Variants in GRK4 observed in about 807,000 individuals in gnomAD.
GRK4 encodes the protein G protein-coupled receptor kinase 2-like.
In GRK4, 73 loss-of-function variants were observed where a neutral mutation model predicts 77.9. That is an observed-to-expected ratio of 0.94 (90% confidence interval 0.78 to 1.14). The LOEUF is 1.14. Ranked by LOEUF, GRK4 falls within the 50% of genes most tolerant of loss-of-function variation. The pLI is 0.00. For synonymous variants in GRK4, 257 were observed against 254.4 expected (o/e 1.01, Z -0.10); for missense variants, 729 against 700.2 (o/e 1.04, Z -0.46).
intron 1 of GRK4, among the ~76,000 whole-genome samples, chr4:2,977,252 A>C (rs1721491511): frequency 6.6e-6 from 1 of 152,156 alleles, no homozygotes; most frequent in African/African-American, 2.4e-5. Context: ...TATGATGAGT[A>C]ACAGCGCATA....
chr4:3,037,584 C>T (rs2071689), intron 14 of GRK4, 73 bp downstream of exon 14: 828,973 of 1,437,510 alleles, frequency 0.58, 224,168 homozygotes, highest in African/African-American at 0.8. Flanking sequence ...TGTGTGTGTC[C>T]GTGTGTGTGT....
chr4:3,021,544 G>A (rs1578308664), intron 9 of GRK4, among the ~76,000 whole-genome samples: 1 of 152,186 alleles, frequency 6.6e-6, no homozygotes, highest in Non-Finnish European at 1.5e-5. Context: ...ACCAGGCTTG[G>A]CAGTGGGGCT....
chr4:3,040,633 G>A lies in GRK4; in HGVS notation c.*8G>A. On this transcript the variant is annotated 3_prime_UTR_variant, in exon 16 of 16. Coordinates refer to ENST00000398052, the MANE Select transcript of GRK4 (RefSeq NM_182982.3). ...GAACCCAAGCAATGCTGAGCACCCC[G>A]GTGCGGACCACAGAGCAGACCCTGG... 6.2e-7 allele frequency: 1 copy of A among 1,609,278 alleles called. No individual in the cohort carries two copies. The highest frequency in any genetic ancestry group is 8.5e-7 in the Non-Finnish European group (1 of 1,177,910).
chr4:2,987,159 TTCTG>T lies in GRK4; in HGVS notation c.149-1564_149-1561del, dbSNP rs780945109. The T allele has an allele frequency of 1.2e-5, 6 of 517,926 alleles. No homozygotes were observed. In the East Asian group the frequency reaches 1.6e-4, roughly 14 times the overall value. The allele number at this position is 517,926 out of a possible 1,614,324, so 32.1% of individuals were successfully genotyped here. ...AGAGCTAGACAACTACAAATCCACT[TTCTG>T]TCTATGTCTTTGCCTGTTCCAGACA... On this transcript the variant is annotated intron_variant, in intron 2 of 15. Coordinates refer to ENST00000398052, the MANE Select transcript of GRK4 (RefSeq NM_182982.3).
chr4:3,002,692 G>T (rs955806335), intron 4 of GRK4, among the ~76,000 whole-genome samples: 7 of 152,010 alleles, frequency 4.6e-5, no homozygotes, highest in African/African-American at 1.7e-4. Flanking sequence ...CACAGAACAA[G>T]ACTCCATCTC....
At chr4:2,989,894 G>C (rs1023855195) in intron 3 of GRK4, among the ~76,000 whole-genome samples, 1 of 152,132 alleles carries the variant, frequency 6.6e-6, no homozygotes, top group Non-Finnish European at 1.5e-5. Flanking sequence ...AAATTCAGAA[G>C]CAAGTGACCA....
chr4:2,965,519 A>G (rs745462707), intron 1 of GRK4: 15 of 697,584 alleles, frequency 2.2e-5, no homozygotes, highest in Non-Finnish European at 3.9e-5. Flanking sequence ...TGCCGACTGA[A>G]GATGCCACAG....
chr4:3,031,490 C>T (rs758176232), intron 12 of GRK4, among the ~76,000 whole-genome samples: 1 of 152,180 alleles, frequency 6.6e-6, no homozygotes, highest in Non-Finnish European at 1.5e-5. Flanking sequence ...TGCACTCGCC[C>T]AGCTCTGGTT....
chr4:2,965,731 C>T (rs1198615720), intron 1 of GRK4: 5 of 434,920 alleles, frequency 1.1e-5, no homozygotes, highest in Non-Finnish European at 2.1e-5. Context: ...CACCAACTCA[C>T]ACTATTTTGA....
intron 1 of GRK4, among the ~76,000 whole-genome samples, chr4:2,977,577 A>T (rs1188788121): frequency 6.6e-6 from 1 of 152,222 alleles, no homozygotes; most frequent in Non-Finnish European, 1.5e-5. Flanking sequence ...TTTCCATAAA[A>T]GCCACGTTGA....
chr4:2,963,977 C>A lies in GRK4; in HGVS notation c.-94C>A, dbSNP rs766053438. On this transcript the variant is annotated 5_prime_UTR_variant, in exon 1 of 16. Coordinates refer to ENST00000398052, the MANE Select transcript of GRK4 (RefSeq NM_182982.3). ...AGCTCGAGGAGAGGGTGGTGCCCGG[C>A]GAGCTATGCACGGGGGCGGCGGCGT... The A allele has an allele frequency of 2.9e-5, 33 of 1,134,746 alleles. No homozygotes were observed. Among genetic ancestry groups the A allele is most frequent in the Non-Finnish European group, 4.2e-5 (32 of 767,552 alleles). The allele number at this position is 1,134,746 out of a possible 1,614,324, so 70.3% of individuals were successfully genotyped here.
intron 1 of GRK4, among the ~76,000 whole-genome samples, chr4:2,967,886 G>A (rs1271662823): frequency 6.6e-6 from 1 of 152,002 alleles, no homozygotes; most frequent in Non-Finnish European, 1.5e-5. Context: ...TGCCTCCCGG[G>A]TTCAAGAAAT....
chr4:2,990,620 G>T (rs1401889031), intron 3 of GRK4, among the ~76,000 whole-genome samples: 1 of 152,150 alleles, frequency 6.6e-6, no homozygotes, highest in African/African-American at 2.4e-5. Flanking sequence ...TTGGGGGATG[G>T]AACCCTGGGT....
chr4:3,028,255 G>A (rs1209659457), intron 11 of GRK4, among the ~76,000 whole-genome samples: 1 of 152,140 alleles, frequency 6.6e-6, no homozygotes, highest in African/African-American at 2.4e-5. Context: ...GCGAAGTGAG[G>A]GCAGAATCGG....
At chr4:2,972,963 G>T (rs1386790794) in intron 1 of GRK4, among the ~76,000 whole-genome samples, 1 of 152,176 alleles carries the variant, frequency 6.6e-6, no homozygotes, top group Non-Finnish European at 1.5e-5. Flanking sequence ...TTAAACTCCT[G>T]AACCCAAGTG....
At chr4:2,986,409 T>A (rs1395802958) in intron 2 of GRK4, among the ~76,000 whole-genome samples, 3 of 140,336 alleles carry the variant, frequency 2.1e-5, no homozygotes, top group African/African-American at 8.2e-5. Context: ...CAGGCTGGAG[T>A]GCAATGGCAT....
intron 1 of GRK4, chr4:2,969,270 C>T (rs1031038851): frequency 6.6e-6 from 1 of 152,186 alleles, no homozygotes; most frequent in East Asian, 1.9e-4. Context: ...GAACTCCTGA[C>T]CTCAAATGAT....
At chr4:3,037,842 G>A (rs1741219506) in intron 14 of GRK4, among the ~76,000 whole-genome samples, 1 of 151,746 alleles carries the variant, frequency 6.6e-6, no homozygotes, top group Non-Finnish European at 1.5e-5. Context: ...TTGAACCTGG[G>A]AGGCAGAAGT....
rs1269751330 is a variant in GRK4 at position 2,963,614 on chromosome 4, T to C, written c.-457T>C. ...CGGCGAGGGGCGCTCCCTCTTCAGC[T>C]AAGCCGTTAGCGCCGAGCCCGCCCG... On this transcript the variant is annotated 5_prime_UTR_variant, in exon 1 of 16. Transcript: ENST00000398052. 37 of 415,380 alleles carry C rather than the reference T, an allele frequency of 8.9e-5. No individual in the cohort carries two copies. The Admixed American group carries it at 1.7e-3, about 20-fold the overall frequency. 25.7% of individuals were successfully genotyped at this position (415,380 alleles called of 1,614,324 possible).
Sources: gnomAD v4.1 joint callset for allele counts (sites outside exome capture counted in the v4.1 genomes callset) on GRCh38, gnomAD v4.1.1 for gene constraint, MANE v1.5 for transcripts, NCBI Gene and HGNC (gene_info 2026-07-23, HGNC 2026-07-21) for gene names.